The following ROS1 variants were observed in gnomAD, a reference collection of about 807,000 sequenced individuals.
The protein encoded by ROS1 is proto-oncogene tyrosine-protein kinase ROS.
Under a neutral mutation model 273.5 loss-of-function variants are expected in ROS1, and 263 were observed. The observed-to-expected ratio is 0.96, with a 90% CI of 0.87 to 1.06. The LOEUF is 1.06. ROS1 is among the 50% of genes least tolerant of loss of function. ROS1 has a pLI of 0.00. For synonymous variants in ROS1, 1,008 were observed against 954.1 expected, an observed-to-expected ratio of 1.06 and a Z score of -1.04; for missense variants, 2,833 against 2,751.1, an observed-to-expected ratio of 1.03 and a Z score of -0.67.
Position 117,310,266 on chromosome 6 carries a change from T to C in ROS1, c.6231A>G (p.Arg2077=), listed in dbSNP as rs778009137. 11 of 1,608,788 alleles carry C rather than the reference T, an allele frequency of 6.8e-6. No individual in the cohort carries two copies. Among genetic ancestry groups the C allele is most frequent in the Middle Eastern group, 1.7e-4 (1 of 6,040 alleles). The change falls in exon 41 of 44, where the codon AGA becomes AGG. Residue 2077 remains arginine (R), a synonymous_variant. Coordinates refer to ENST00000368507, the MANE Select transcript of ROS1 (RefSeq NM_001378902.1). ...MHFIHRDLAA[R]NCLVSVKDYT... ...AGTCTTTCACGGAAACAAGGCAATT[T>C]CTAGCTGCCAGATCCCTGTGGCAGA...
chr6:117,395,594 T>G (rs1181704981), intron 9 of ROS1, among the ~76,000 whole-genome samples: 1 of 152,170 alleles, frequency 6.6e-6, no homozygotes, highest in Admixed American at 6.5e-5. Flanking sequence ...CAGTACTTCT[T>G]AGAAAGCATT....
At chr6:117,309,008 C>A in intron 41 of ROS1, 80 bp from the exon 42 acceptor site, 1 of 1,414,760 alleles carries the variant, frequency 7.1e-7, no homozygotes, top group Admixed American at 1.9e-5. Context: ...CAACATTTTT[C>A]CTGGGGCTAG....
intron 4 of ROS1, 27 bp from the exon 5 acceptor site, chr6:117,409,669 C>A: frequency 6.2e-7 from 1 of 1,603,552 alleles, no homozygotes; most frequent in South Asian, 1.1e-5. Context: ...GCATGACAGT[C>A]AGGGCAGCCT....
chr6:117,413,862 C>T (rs1200084324), intron 4 of ROS1, among the ~76,000 whole-genome samples: 1 of 151,956 alleles, frequency 6.6e-6, no homozygotes, highest in Admixed American at 6.6e-5. Flanking sequence ...ATGCCTGTAG[C>T]CCCAGCTACT....
chr6:117,360,299 C>CACACAT (rs58588396), intron 23 of ROS1, 43 bp downstream of exon 23: 3 of 1,455,514 alleles, frequency 2.1e-6, no homozygotes, highest in African/African-American at 1.4e-5. Flanking sequence ...CACACACACA[C>CACACAT]GCCTCTAAAT....
intron 43 of ROS1, among the ~76,000 whole-genome samples, chr6:117,299,002 T>C (rs537955808): frequency 4.0e-5 from 2 of 49,958 alleles, no homozygotes; most frequent in South Asian, 7.7e-4. Flanking sequence ...GGCAAGTATA[T>C]ATATAGAGAG....
Position 117,317,193 on chromosome 6 carries a change from T to G in ROS1, c.6067A>C (p.Met2023Leu), listed in dbSNP as rs199682124. The stretch of plus-strand genomic sequence containing the variant: ...TAAGTAAGAAGGTCTCCTCCCTCCA[T>G]CAGTTCCAGGATAATGTATTGGGGT... ...NEPQYIILEL[M>L]EGGDLLTYLR... Residue 2023 changes from methionine to leucine, a missense_variant, in exon 39 of 44, where the codon ATG (methionine) becomes CTG (leucine). Transcript: ENST00000368507. 6.2e-7 allele frequency: 1 copy of G among 1,613,288 alleles called. No homozygotes were observed. Among genetic ancestry groups the G allele is most frequent in the South Asian group, 1.1e-5 (1 of 91,020 alleles).
chr6:117,334,432 A>G (rs776136411), intron 32 of ROS1, among the ~76,000 whole-genome samples: 3 of 152,226 alleles, frequency 2.0e-5, no homozygotes, highest in Non-Finnish European at 4.4e-5. Flanking sequence ...AGAGTAATTT[A>G]TAGATTCAAT....
intron 31 of ROS1, 122 bp from the exon 32 acceptor site, chr6:117,337,462 G>T: frequency 1.4e-6 from 1 of 723,854 alleles, no homozygotes. Flanking sequence ...TAAAGAATAA[G>T]AACTTCTTTA....
At chr6:117,419,920 A>G (rs1031121176) in intron 1 of ROS1, among the ~76,000 whole-genome samples, 1 of 152,090 alleles carries the variant, frequency 6.6e-6, no homozygotes, top group Non-Finnish European at 1.5e-5. Context: ...AGGGTTTCTA[A>G]TGAGGCAGAT....
intron 7 of ROS1, among the ~76,000 whole-genome samples, chr6:117,401,733 A>G (rs1326522732): frequency 6.6e-6 from 1 of 151,752 alleles, no homozygotes; most frequent in East Asian, 1.9e-4. Flanking sequence ...ACTTGAATGA[A>G]TGAAAAAAGT....
rs753442951 is a variant in ROS1, at chr6:117,341,483, G to A, written c.4801C>T (p.Pro1601Ser). 3.7e-6 allele frequency: 6 copies of A among 1,613,742 alleles called. No homozygotes were observed. In the East Asian group the frequency reaches 1.3e-4, roughly 36 times the overall value. The change falls in exon 30 of 44, where the codon CCT (proline) becomes TCT (serine). Residue 1601 changes from proline to serine, a missense_variant. By Grantham distance (74) the Pro-to-Ser change is moderately conservative. Coordinates refer to ENST00000368507, the MANE Select transcript of ROS1 (RefSeq NM_001378902.1). Reference protein sequence around the residue: ...ISHLALIPETPLRQSEFPNGR... With the variant: ...ISHLALIPETSLRQSEFPNGR... ...TTTGGAAATTCACTTTGTCTTAGAG[G>A]AGTTTCAGGAATTAGGGCCAGGTGT...
intron 42 of ROS1, among the ~76,000 whole-genome samples, chr6:117,303,581 T>A (rs1220076667): frequency 2.0e-5 from 3 of 152,092 alleles, no homozygotes; most frequent in Non-Finnish European, 2.9e-5. Context: ...GGGGAAAGGA[T>A]GAGATGAGAT....
At chr6:117,366,993 C>A (rs1470085425) in intron 18 of ROS1, among the ~76,000 whole-genome samples, 2 of 152,186 alleles carry the variant, frequency 1.3e-5, no homozygotes, top group Non-Finnish European at 2.9e-5. Flanking sequence ...ACAACTCTTG[C>A]ATTAGCATAA....
chr6:117,289,559 A>G (rs1270090717), intron 43 of ROS1, among the ~76,000 whole-genome samples: 1 of 152,240 alleles, frequency 6.6e-6, no homozygotes, highest in Non-Finnish European at 1.5e-5. Context: ...ATAAGAACGT[A>G]TGAACTACAT....
chr6:117,415,851 T>C (rs1340053252), intron 3 of ROS1, among the ~76,000 whole-genome samples: 1 of 152,186 alleles, frequency 6.6e-6, no homozygotes, highest in Admixed American at 6.5e-5. Context: ...TTGTTACAAG[T>C]GCAGAATCTC....
At chr6:117,294,636 C>A (rs1025327516) in intron 43 of ROS1, among the ~76,000 whole-genome samples, 5 of 151,988 alleles carry the variant, frequency 3.3e-5, no homozygotes, top group Admixed American at 1.3e-4. Flanking sequence ...AATTAATGTA[C>A]AAAAATTCAG....
chr6:117,338,238 C>A (rs778542805), intron 31 of ROS1, among the ~76,000 whole-genome samples: 4 of 152,044 alleles, frequency 2.6e-5, no homozygotes, highest in Non-Finnish European at 5.9e-5. Context: ...ACTTAACACT[C>A]ATGAGGTCAC....
intron 27 of ROS1, among the ~76,000 whole-genome samples, chr6:117,345,084 G>C (rs983097746): frequency 2.0e-5 from 3 of 152,148 alleles, no homozygotes; most frequent in African/African-American, 7.2e-5. Context: ...TCTTACACCA[G>C]TTAGCCAACT....
Sources: allele counts gnomAD v4.1 joint callset (sites outside exome capture counted in the v4.1 genomes callset), GRCh38; gene constraint gnomAD v4.1.1; transcripts MANE v1.5; gene names NCBI Gene and HGNC (gene_info 2026-07-23, HGNC 2026-07-21).